Variants in HIRA observed in about 807,000 individuals in gnomAD.
The protein encoded by HIRA is protein HIRA.
Under a neutral mutation model 126.6 loss-of-function variants are expected in HIRA, and 13 were observed. The observed-to-expected ratio is 0.10, with a 90% CI of 0.07 to 0.16. The LOEUF (loss-of-function observed/expected upper bound fraction) is 0.16. HIRA is among the 10% of genes least tolerant of loss of function. HIRA has a pLI of 1.00. For synonymous variants in HIRA, 511 were observed against 520.0 expected, an observed-to-expected ratio of 0.98 and a Z score of 0.24; for missense variants, 834 against 1,314.4, an observed-to-expected ratio of 0.63 and a Z score of 5.65.
chr22:19,353,006 A>G (rs1556011317), intron 23 of HIRA, among the ~76,000 whole-genome samples: 2 of 152,256 alleles, frequency 1.3e-5, no homozygotes, highest in East Asian at 3.8e-4. Context: ...AACCACTGCT[A>G]CAAGATGCCC....
In HIRA at chr22:19,383,611, AACCAGT is replaced by A; in HGVS notation, c.1415+3_1415+8del. 1 of 1,607,302 alleles carries A rather than the reference AACCAGT, an allele frequency of 6.2e-7. No homozygotes were observed. The highest frequency in any genetic ancestry group is 8.5e-7 in the Non-Finnish European group (1 of 1,173,940). On this transcript the variant is annotated splice_donor_5th_base_variant and intron_variant, in intron 13 of 24. Coordinates refer to ENST00000263208, the MANE Select transcript of HIRA (RefSeq NM_003325.4). ...CAGATAAGACCATGAAAGGGGAATG[AACCAGT>A]ACCCAGTGTCCAGCTGTGCTATGCA...
chr22:19,337,957 A>G (rs1761439918), intron 24 of HIRA, among the ~76,000 whole-genome samples: 1 of 152,032 alleles, frequency 6.6e-6, no homozygotes, highest in Admixed American at 6.6e-5. Flanking sequence ...AGGCCTGGAT[A>G]ATTTTTGTAT....
At chr22:19,331,815 A>G (rs2088491360) in intron 24 of HIRA, among the ~76,000 whole-genome samples, 1 of 152,230 alleles carries the variant, frequency 6.6e-6, no homozygotes, top group African/African-American at 2.4e-5. Flanking sequence ...GGGCACAGCC[A>G]CTGCTGACCT....
At position 19,339,647 on chromosome 22, in the gene HIRA, A is replaced by G. The variant is rs560048248; in HGVS notation, c.2938-8091T>C. ...CGAGACTCCGTCTCAAAAAAAAAAA[A>G]AAAAGATCCAATTAAGCTAAATTAG... On this transcript the variant is annotated intron_variant, in intron 24 of 24. Coordinates refer to ENST00000263208, the MANE Select transcript of HIRA (RefSeq NM_003325.4). Among the ~76,000 whole-genome samples, 40 of 152,126 alleles carry G rather than the reference A, an allele frequency of 2.6e-4. No individual in the cohort carries two copies. In the South Asian group the frequency reaches 7.0e-3, roughly 27 times the overall value.
At chr22:19,338,781 T>C (rs890834545) in intron 24 of HIRA, among the ~76,000 whole-genome samples, 2 of 152,162 alleles carry the variant, frequency 1.3e-5, no homozygotes, top group African/African-American at 2.4e-5. Flanking sequence ...ATCCTAAATA[T>C]ATATGCACCT....
At position 19,331,390 on chromosome 22, in the gene HIRA, G is replaced by A. The variant is rs373664318; in HGVS notation, c.*50C>T. 11 of 1,611,352 alleles carry A rather than the reference G, an allele frequency of 6.8e-6. No individual in the cohort carries two copies. Among genetic ancestry groups the A allele is most frequent in the Non-Finnish European group, 9.3e-6 (11 of 1,179,722 alleles). On this transcript the variant is annotated 3_prime_UTR_variant, in exon 25 of 25. Coordinates refer to ENST00000263208, the MANE Select transcript of HIRA (RefSeq NM_003325.4). ...AGAGGCGGTCCTGCATGTCATCAGCGGCGAGAGTGTGGCCCTGCCCTTGCT... is the reference window on the plus strand; with the variant it reads ...AGAGGCGGTCCTGCATGTCATCAGCAGCGAGAGTGTGGCCCTGCCCTTGCT...
intron 4 of HIRA, among the ~76,000 whole-genome samples, chr22:19,406,966 T>G (rs913377890): frequency 2.0e-5 from 3 of 152,262 alleles, no homozygotes; most frequent in Non-Finnish European, 2.9e-5. Flanking sequence ...AGACTTTCCT[T>G]TTCAGGTGAG....
At chr22:19,426,798 C>A (rs1444033178) in intron 1 of HIRA, among the ~76,000 whole-genome samples, 2 of 152,170 alleles carry the variant, frequency 1.3e-5, no homozygotes, top group African/African-American at 4.8e-5. Context: ...CCTAAATCAA[C>A]CTACTGTCTT....
intron 1 of HIRA, among the ~76,000 whole-genome samples, chr22:19,420,477 A>AAAC (rs2089437041): frequency 1.3e-5 from 2 of 151,314 alleles, no homozygotes; most frequent in African/African-American, 2.4e-5. Context: ...AAAAAAAAAA[A>AAAC]AAAACCAAAC....
intron 15 of HIRA, among the ~76,000 whole-genome samples, chr22:19,374,004 C>T (rs115832086): frequency 0.02 from 3,082 of 151,808 alleles, 118 homozygotes; most frequent in African/African-American, 0.07. Context: ...ATTTTAGGGA[C>T]GAGGGTTGCA....
At chr22:19,377,726 C>T in intron 14 of HIRA, 143 bp downstream of exon 14, 1 of 710,930 alleles carries the variant, frequency 1.4e-6, no homozygotes, top group Non-Finnish European at 2.3e-6. Context: ...TGAGAAGTCC[C>T]CATTTCAAAT....
At chr22:19,359,623 G>T in intron 17 of HIRA, 139 bp from the exon 18 acceptor site, 1 of 954,046 alleles carries the variant, frequency 1.0e-6, no homozygotes, top group Non-Finnish European at 1.4e-6. Context: ...GAGAGGGAGG[G>T]CAGGTAGGGC....
At chr22:19,416,681 A>G (rs1250047370) in intron 1 of HIRA, among the ~76,000 whole-genome samples, 1 of 152,244 alleles carries the variant, frequency 6.6e-6, no homozygotes, top group Non-Finnish European at 1.5e-5. Flanking sequence ...CTAAAGGCAC[A>G]GACAATAAAA....
At chr22:19,402,980 G>C (rs952520733) in intron 5 of HIRA, among the ~76,000 whole-genome samples, 1 of 151,674 alleles carries the variant, frequency 6.6e-6, no homozygotes, top group African/African-American at 2.4e-5. Flanking sequence ...ATGTACATCT[G>C]TAGTCCTAGC....
intron 24 of HIRA, among the ~76,000 whole-genome samples, chr22:19,340,603 T>G (rs1428411700): frequency 6.6e-6 from 1 of 152,114 alleles, no homozygotes; most frequent in East Asian, 1.9e-4. Context: ...GATATGATCG[T>G]ATACCTAGAA....
chr22:19,332,093 C>A (rs887139998), intron 24 of HIRA, among the ~76,000 whole-genome samples: 42 of 152,172 alleles, frequency 2.8e-4, no homozygotes, highest in African/African-American at 1.0e-3. Flanking sequence ...ACATCCTCCA[C>A]GTCAGGTCAT....
At chr22:19,346,963 A>G (rs1360184858) in intron 24 of HIRA, among the ~76,000 whole-genome samples, 1 of 152,200 alleles carries the variant, frequency 6.6e-6, no homozygotes, top group Admixed American at 6.5e-5. Flanking sequence ...ATCAAATGGT[A>G]GCCTGTTTGT....
At position 19,351,239 on chromosome 22, in the gene HIRA, G is replaced by C; in HGVS notation, c.2937+119C>G. 2 of 1,427,442 alleles carry C rather than the reference G, an allele frequency of 1.4e-6. No individual in the cohort carries two copies. Among genetic ancestry groups the C allele is most frequent in the Non-Finnish European group, 1.8e-6 (2 of 1,091,862 alleles). 88.4% of individuals were successfully genotyped at this position (1,427,442 alleles called of 1,614,324 possible). On this transcript the variant is annotated intron_variant, in intron 24 of 24. Coordinates refer to ENST00000263208, the MANE Select transcript of HIRA (RefSeq NM_003325.4). The surrounding 1 kb of genome is among the most constrained non-coding windows in gnomAD (Gnocchi z 4.8). Reference sequence around the variant, plus strand: ...CCTCTCACTGATGCTGGGACCTGAGGCTGGGTGCTGGAGAAGTCTAACGGG... The same window carrying C: ...CCTCTCACTGATGCTGGGACCTGAGCCTGGGTGCTGGAGAAGTCTAACGGG...
At chr22:19,422,924 C>T (rs534598939) in intron 1 of HIRA, among the ~76,000 whole-genome samples, 1 of 152,214 alleles carries the variant, frequency 6.6e-6, no homozygotes, top group Admixed American at 6.5e-5. Flanking sequence ...AGTAAAGGGC[C>T]CTGGTCTCCC....
Sources: allele counts gnomAD v4.1 joint callset (sites outside exome capture counted in the v4.1 genomes callset), GRCh38; gene constraint gnomAD v4.1.1; non-coding constraint Gnocchi (gnomAD v3.1); transcripts MANE v1.5; gene names NCBI Gene and HGNC (gene_info 2026-07-23, HGNC 2026-07-21).